The following PTDSS1 variants were observed in gnomAD, a reference collection of about 807,000 sequenced individuals.
PTDSS1 encodes phosphatidylserine synthase 1.
PTDSS1 carries 45 observed loss-of-function variants against 70.5 expected under a neutral mutation model. The ratio of observed to expected loss-of-function variants is 0.64; its 90% CI spans 0.50 to 0.82. The LOEUF (loss-of-function observed/expected upper bound fraction) is 0.82. Among genes scored for constraint, PTDSS1 ranks in the 40% least tolerant of loss-of-function variants. The pLI is 0.00. For missense variants in PTDSS1, 417 were observed against 586.1 expected (o/e 0.71, Z 2.98); for synonymous variants, 188 against 203.8 (o/e 0.92, Z 0.66).
intron 2 of PTDSS1, 120 bp from the exon 3 acceptor site, chr8:96,283,989 A>AC: frequency 2.6e-6 from 2 of 770,174 alleles, no homozygotes; most frequent in Non-Finnish European, 4.1e-6. Flanking sequence ...AAAAAAAAAA[A>AC]AACTTTTAAC....
At chr8:96,302,268 G>A (rs1433637122) in intron 6 of PTDSS1, among the ~76,000 whole-genome samples, 1 of 152,106 alleles carries the variant, frequency 6.6e-6, no homozygotes, top group Non-Finnish European at 1.5e-5. Flanking sequence ...CCAACCTCAG[G>A]TGATCTGCCT....
At chr8:96,276,319 T>A (rs1380364597) in intron 2 of PTDSS1, among the ~76,000 whole-genome samples, 3 of 152,248 alleles carry the variant, frequency 2.0e-5, no homozygotes, top group African/African-American at 7.2e-5. Flanking sequence ...TGTAACACTT[T>A]GTGTGATTTC....
At chr8:96,269,154 T>A (rs1190276769) in intron 1 of PTDSS1, among the ~76,000 whole-genome samples, 1 of 152,226 alleles carries the variant, frequency 6.6e-6, no homozygotes, top group Non-Finnish European at 1.5e-5. Flanking sequence ...CTTGTCTGTT[T>A]GTGTCCTTAT....
At chr8:96,272,054 G>A (rs1429228140) in intron 1 of PTDSS1, among the ~76,000 whole-genome samples, 3 of 152,086 alleles carry the variant, frequency 2.0e-5, no homozygotes, top group African/African-American at 7.2e-5. Flanking sequence ...TTTTCTATTT[G>A]TTTTTCTGTG....
At chr8:96,266,373 CTGAT>C (rs1390460004) in intron 1 of PTDSS1, among the ~76,000 whole-genome samples, 4 of 152,204 alleles carry the variant, frequency 2.6e-5, no homozygotes, top group South Asian at 2.1e-4. Flanking sequence ...AATGGACAGA[CTGAT>C]TGATTGACTG....
At chr8:96,271,397 G>T (rs1391346781) in intron 1 of PTDSS1, among the ~76,000 whole-genome samples, 2 of 152,020 alleles carry the variant, frequency 1.3e-5, no homozygotes, top group Admixed American at 1.3e-4. Context: ...TTAAATGGCT[G>T]CCCAGCTTCC....
intron 10 of PTDSS1, among the ~76,000 whole-genome samples, chr8:96,324,275 C>G (rs1269555232): frequency 6.6e-6 from 1 of 152,200 alleles, no homozygotes. Flanking sequence ...ACCCGTAATG[C>G]TCCCTTTACA....
At chr8:96,330,468 G>A (rs1325864062) in intron 11 of PTDSS1, 187 bp downstream of exon 11, 14 of 596,860 alleles carry the variant, frequency 2.3e-5, no homozygotes, top group Admixed American at 1.2e-4. Context: ...TGCTTGTGAC[G>A]GCTCTGTTCA....
intron 11 of PTDSS1, 78 bp from the exon 12 acceptor site, chr8:96,330,948 G>A: frequency 8.0e-7 from 1 of 1,248,828 alleles, no homozygotes; most frequent in Admixed American, 1.8e-5. Context: ...CAGGGATGCA[G>A]CATGCTCGCC....
rs907064522 is a variant in PTDSS1, at chr8:96,262,588, C to T, written c.179+369C>T. ...GCCTTCGTCCCTACCCAGCACACCG[C>T]ATGAATCATGTCGTATGCACCACTT... On this transcript the variant is annotated intron_variant, in intron 1 of 12. Coordinates refer to ENST00000517309, the MANE Select transcript of PTDSS1 (RefSeq NM_014754.3). This position sits in a 1 kb window ranked among gnomAD's most constrained non-coding sequence, Gnocchi z 4.4. Among the ~76,000 whole-genome samples the T allele has an allele frequency of 6.6e-6, 1 of 152,150 alleles. No individual in the cohort carries two copies. Among genetic ancestry groups the T allele is most frequent in the Admixed American group, 6.5e-5 (1 of 15,282 alleles).
intron 4 of PTDSS1, among the ~76,000 whole-genome samples, chr8:96,290,275 C>T (rs754155658): frequency 5.9e-5 from 9 of 152,186 alleles, no homozygotes; most frequent in African/African-American, 2.2e-4. Context: ...AATATTTTCC[C>T]AAACATCTTT....
chr8:96,281,192 AG>A (rs1427319513), intron 2 of PTDSS1, among the ~76,000 whole-genome samples: 2 of 152,240 alleles, frequency 1.3e-5, no homozygotes, highest in African/African-American at 4.8e-5. Context: ...TTTTTAAAAA[AG>A]TAAAATGATA....
chr8:96,273,936 C>A (rs542963204), intron 2 of PTDSS1, among the ~76,000 whole-genome samples: 4 of 152,158 alleles, frequency 2.6e-5, no homozygotes, highest in African/African-American at 4.8e-5. Flanking sequence ...TTACCCCCAT[C>A]ATGATTATGG....
chr8:96,298,457 T>C (rs1229761608), intron 5 of PTDSS1, among the ~76,000 whole-genome samples: 1 of 152,206 alleles, frequency 6.6e-6, no homozygotes, highest in Non-Finnish European at 1.5e-5. Flanking sequence ...CATGCTGTTC[T>C]GAACACAGTG....
chr8:96,333,493 A>G lies in PTDSS1; in HGVS notation c.1349A>G (p.Asn450Ser), dbSNP rs1811547699. 1.2e-6 allele frequency: 2 copies of G among 1,614,130 alleles called. No individual in the cohort carries two copies. The highest frequency in any genetic ancestry group is 1.7e-6 in the Non-Finnish European group (2 of 1,179,984). ...AGCCCACCCAAGCATGCAGGCAACA[A>G]CGAAAGCCATTCTTCCAGGAGAAGG... The part of the protein sequence containing the change: ...EDSPPKHAGN[N>S]ESHSSRRRNR... Residue 450 changes from asparagine (N) to serine (S), a missense_variant, in exon 13 of 13, where the codon AAC becomes AGC. Asn to Ser is a conservative substitution (Grantham distance 46). Coordinates refer to ENST00000517309, the MANE Select transcript of PTDSS1 (RefSeq NM_014754.3).
At position 96,320,278 on chromosome 8, in the gene PTDSS1, T is replaced by C. The variant is rs755348572; in HGVS notation, c.1106T>C (p.Ile369Thr). The C allele has an allele frequency of 2.2e-5, 36 of 1,612,774 alleles. No individual in the cohort carries two copies. Among genetic ancestry groups the C allele is most frequent in the Non-Finnish European group, 3.1e-5 (36 of 1,178,852 alleles). The change falls in exon 10 of 13, where the codon ATA (isoleucine) becomes ACA (threonine). Residue 369 changes from isoleucine (I) to threonine (T), a missense_variant. Coordinates refer to ENST00000517309, the MANE Select transcript of PTDSS1 (RefSeq NM_014754.3). Reference sequence around the variant, plus strand: ...GGTTTCCTGGAGGCCATTGTTTGCATAAAATTTGGACAAGATCTCTTCTCT... The same window carrying C: ...GGTTTCCTGGAGGCCATTGTTTGCACAAAATTTGGACAAGATCTCTTCTCT... ...VIGFLEAIVCIKFGQDLFSKT... is the reference protein window; with the variant it reads ...VIGFLEAIVCTKFGQDLFSKT...
intron 10 of PTDSS1, 114 bp from the exon 11 acceptor site, chr8:96,330,099 C>T (rs1310188385): frequency 1.6e-5 from 16 of 981,832 alleles, no homozygotes; most frequent in South Asian, 4.2e-5. Flanking sequence ...GTTTTGTAAC[C>T]GGCGTCCAGA....
At chr8:96,291,390 C>G (rs1563569976) in intron 4 of PTDSS1, among the ~76,000 whole-genome samples, 1 of 152,096 alleles carries the variant, frequency 6.6e-6, no homozygotes, top group Non-Finnish European at 1.5e-5. Flanking sequence ...ACCTTTTCAT[C>G]CCACATCCTG....
intron 6 of PTDSS1, 36 bp from the exon 7 acceptor site, chr8:96,304,004 C>G (rs113097557): frequency 3.2e-6 from 5 of 1,572,252 alleles, no homozygotes; most frequent in Non-Finnish European, 4.3e-6. Flanking sequence ...CCTGCCTTAT[C>G]TCTGGATTTT....
Sources: allele counts gnomAD v4.1 joint callset (sites outside exome capture counted in the v4.1 genomes callset), GRCh38; gene constraint gnomAD v4.1.1; non-coding constraint Gnocchi (gnomAD v3.1); transcripts MANE v1.5; gene names NCBI Gene and HGNC (gene_info 2026-07-23, HGNC 2026-07-21).